AGBL1: variants seen among roughly 807,000 people sequenced by gnomAD.
The protein encoded by AGBL1 is AGBL carboxypeptidase 1, also known as cytosolic carboxypeptidase 4.
AGBL1 carries 130 observed loss-of-function variants against 118.9 expected under a neutral mutation model. The ratio of observed to expected loss-of-function variants is 1.09; its 90% CI spans 0.95 to 1.26. AGBL1 has a LOEUF of 1.26. Ranked by LOEUF, AGBL1 falls within the 50% of genes most tolerant of loss-of-function variation. AGBL1 has a pLI of 0.00. For missense variants in AGBL1, 1,584 were observed against 1,298.1 expected (o/e 1.22, Z -3.38); for synonymous variants, 555 against 478.9 (o/e 1.16, Z -2.08).
At chr15:86,945,656 G>T (rs868396915) in intron 23 of AGBL1, among the ~76,000 whole-genome samples, 9 of 152,166 alleles carry the variant, frequency 5.9e-5, no homozygotes, top group Middle Eastern at 3.2e-3. Flanking sequence ...GTGGACAAGA[G>T]AGTGAGACCC....
intron 22 of AGBL1, among the ~76,000 whole-genome samples, chr15:86,723,572 GT>G (rs200473230): frequency 0.014 from 2,096 of 152,128 alleles, 18 homozygotes; most frequent in Non-Finnish European, 0.023. Flanking sequence ...GAGTTAATGG[GT>G]GCAGCACACC....
At position 86,428,334 on chromosome 15, in the gene AGBL1, G is replaced by A. The variant is rs16977075; in HGVS notation, c.2555+30788G>A. Among the ~76,000 whole-genome samples, 480 of 152,254 alleles carry A rather than the reference G, an allele frequency of 3.2e-3. 1 individual carries two copies. Among genetic ancestry groups the A allele is most frequent in the African/African-American group, 0.011 (453 of 41,566 alleles). On this transcript the variant is annotated intron_variant, in intron 18 of 22. Coordinates refer to ENST00000614907, the MANE Select transcript of AGBL1 (RefSeq NM_001386094.1). ...TACCTGGGCTCTAGGAACCATTCCT[G>A]TGACAGCACAATTAACTATCCCAAA...
At chr15:86,636,158 G>A (rs566629620) in intron 21 of AGBL1, among the ~76,000 whole-genome samples, 19 of 152,242 alleles carry the variant, frequency 1.2e-4, no homozygotes, top group East Asian at 5.8e-4. Context: ...TGGCAGTATC[G>A]GAGAGGGGAG....
chr15:86,416,855 T>C (rs1052149707), intron 18 of AGBL1, among the ~76,000 whole-genome samples: 5 of 152,258 alleles, frequency 3.3e-5, no homozygotes, highest in African/African-American at 4.8e-5. Flanking sequence ...TTCGATGCTA[T>C]GTAAAAAGTT....
intron 1 of AGBL1, chr15:86,139,708 T>G (rs144877825): frequency 6.6e-6 from 1 of 152,392 alleles, no homozygotes; most frequent in African/African-American, 2.4e-5. Context: ...AATTTTGATA[T>G]CTTGTTCATC....
At chr15:86,714,306 G>A (rs1455760400) in intron 22 of AGBL1, among the ~76,000 whole-genome samples, 2 of 152,178 alleles carry the variant, frequency 1.3e-5, no homozygotes, top group Non-Finnish European at 2.9e-5. Flanking sequence ...CAGAACTCAA[G>A]TGTAGTTGAA....
At chr15:86,265,644 C>T (rs2079059819) in intron 11 of AGBL1, among the ~76,000 whole-genome samples, 1 of 152,156 alleles carries the variant, frequency 6.6e-6, no homozygotes. Flanking sequence ...CATATCCAAC[C>T]CTACCCCCTG....
At chr15:86,309,444 C>T (rs12910899) in intron 17 of AGBL1, among the ~76,000 whole-genome samples, 4 of 152,032 alleles carry the variant, frequency 2.6e-5, no homozygotes, top group South Asian at 4.1e-4. Context: ...AGTACTATAT[C>T]GAATAGAAGT....
intron 18 of AGBL1, among the ~76,000 whole-genome samples, chr15:86,486,905 G>C (rs916938254): frequency 2.6e-5 from 4 of 152,002 alleles, no homozygotes; most frequent in African/African-American, 9.7e-5. Flanking sequence ...CGAGTTCCCA[G>C]CTTGAGTCTT....
intron 5 of AGBL1, among the ~76,000 whole-genome samples, chr15:86,169,962 C>G (rs1244364411): frequency 1.3e-5 from 2 of 152,138 alleles, no homozygotes; most frequent in Non-Finnish European, 2.9e-5. Context: ...ATATTCAGCA[C>G]TAAGTGAGGT....
intron 21 of AGBL1, among the ~76,000 whole-genome samples, chr15:86,655,549 C>A (rs545030268): frequency 6.6e-6 from 1 of 152,088 alleles, no homozygotes; most frequent in African/African-American, 2.4e-5. Context: ...TGTAAAGCAT[C>A]TTATATTATG....
chr15:86,208,069 T>G (rs2078024781), intron 5 of AGBL1, among the ~76,000 whole-genome samples: 1 of 152,168 alleles, frequency 6.6e-6, no homozygotes, highest in Non-Finnish European at 1.5e-5. Context: ...CTGCAACTAT[T>G]GAGATAATCA....
chr15:86,247,588 T>A (rs2078741291), intron 6 of AGBL1, 83 bp from the exon 7 acceptor site: 5 of 1,328,838 alleles, frequency 3.8e-6, no homozygotes, highest in Non-Finnish European at 5.3e-6. Context: ...ATAAGTATCT[T>A]GTGGGAAATA....
At chr15:86,868,132 C>T (rs567685952) in intron 22 of AGBL1, among the ~76,000 whole-genome samples, 11 of 152,114 alleles carry the variant, frequency 7.2e-5, no homozygotes, top group East Asian at 5.8e-4. Flanking sequence ...AGTTGAACAT[C>T]GGTCATCAGG....
At position 86,644,199 on chromosome 15, in the gene AGBL1, T is replaced by G. The variant is rs149804542; in HGVS notation, c.2995-30074T>G. On this transcript the variant is annotated intron_variant, in intron 21 of 22. Coordinates refer to ENST00000614907, the MANE Select transcript of AGBL1 (RefSeq NM_001386094.1). ...AGTAGGGAATTAAAGCAATTCCAAT[T>G]ATATTTATCTCAATTTTTAATTTCA... Among the ~76,000 whole-genome samples, 411 of 152,284 alleles carry G rather than the reference T, an allele frequency of 2.7e-3. 1 individual carries two copies. The highest frequency in any genetic ancestry group is 9.4e-3 in the African/African-American group (392 of 41,542).
At chr15:86,978,420 G>A (rs1210296072) in intron 23 of AGBL1, among the ~76,000 whole-genome samples, 2 of 152,164 alleles carry the variant, frequency 1.3e-5, no homozygotes, top group African/African-American at 4.8e-5. Context: ...ATTTAGCAAC[G>A]AAGATTTAGA....
chr15:86,377,926 C>T (rs145623511), intron 17 of AGBL1, among the ~76,000 whole-genome samples: 1 of 152,144 alleles, frequency 6.6e-6, no homozygotes. Context: ...GTGGTCCTCT[C>T]TTCTTTCCCA....
chr15:86,635,328 C>CCTCCTCCTA (rs2085064749), intron 21 of AGBL1, among the ~76,000 whole-genome samples: 1 of 58,700 alleles, frequency 1.7e-5, no homozygotes, highest in Non-Finnish European at 3.7e-5. Flanking sequence ...TCCTCCTCCT[C>CCTCCTCCTA]CTCCTCCTCC....
intron 17 of AGBL1, among the ~76,000 whole-genome samples, chr15:86,314,828 C>CCTTGTTTTCAAGGG (rs1313263454): frequency 2.6e-5 from 4 of 152,128 alleles, no homozygotes; most frequent in Admixed American, 2.0e-4. Context: ...CCATAAAAAG[C>CCTTGTTTTCAAGGG]CATGTTTTCA....
Sources: allele counts gnomAD v4.1 joint callset (sites outside exome capture counted in the v4.1 genomes callset), GRCh38; gene constraint gnomAD v4.1.1; transcripts MANE v1.5; gene names NCBI Gene and HGNC (gene_info 2026-07-23, HGNC 2026-07-21).